Variants in GLUL observed in about 807,000 individuals in gnomAD.
GLUL encodes glutamine synthetase.
GLUL carries 8 observed loss-of-function variants against 36.9 expected under a neutral mutation model. The ratio of observed to expected loss-of-function variants is 0.22; its 90% confidence interval spans 0.13 to 0.39. GLUL has a LOEUF of 0.39. Ranked by LOEUF, GLUL falls within the 10% of genes least tolerant of loss-of-function variation. The probability of loss-of-function intolerance (pLI) is 1.00; values close to 1 mark genes in which losing one functional copy is unlikely to be tolerated. For missense variants in GLUL, 315 were observed against 501.8 expected, an observed-to-expected ratio of 0.63 and a Z score of 3.56; for synonymous variants, 182 against 172.8, an observed-to-expected ratio of 1.05 and a Z score of -0.42.
chr1:182,388,870 G>T, intron 1 of GLUL, 120 bp from the exon 2 acceptor site: 1 of 786,770 alleles, frequency 1.3e-6, no homozygotes. Context: ...TCCTTCCCTT[G>T]TGGAAGTCAA....
rs775831203 is a variant in GLUL, at chr1:182,386,396, T to C, written c.335A>G (p.Asn112Ser). ...TATCCGTTTACAGGTGTGCCTCAAATTGGTCTCTAGAAAAAAGAGTCAATA... is the reference window on the plus strand; with the variant it reads ...TATCCGTTTACAGGTGTGCCTCAAACTGGTCTCTAGAAAAAAGAGTCAATA... ...FKYNRRPAET[N>S]LRHTCKRIMD... is the part of the protein sequence containing the mutation. The change falls in exon 4 of 7, where the codon AAT (asparagine) becomes AGT (serine). Residue 112 changes from asparagine to serine, a missense_variant. This residue lies in a region of GLUL where 256 missense variants were observed against 396.1 expected (regional missense o/e 0.65). Coordinates refer to ENST00000331872, the MANE Select transcript of GLUL (RefSeq NM_001033044.4). 3.7e-6 allele frequency: 6 copies of C among 1,610,948 alleles called. No homozygotes were observed. The East Asian group carries it at 6.7e-5, about 18-fold the overall frequency.
chr1:182,378,398 CCAAG>C lies in GLUL; in HGVS notation c.*6003_*6006del, dbSNP rs1360869674. Reference sequence around the variant, plus strand: ...ATCACTCTCCTATATTAGAGGAGCTCCAAGCAGTGTATCATGCTCAAATATTTAT... The same window carrying C: ...ATCACTCTCCTATATTAGAGGAGCTCCAGTGTATCATGCTCAAATATTTAT... On this transcript the variant is annotated 3_prime_UTR_variant, in exon 7 of 7. Transcript: ENST00000331872. Among the ~76,000 whole-genome samples the C allele has an allele frequency of 6.6e-6, 1 of 152,182 alleles. No homozygotes were observed. Among genetic ancestry groups the C allele is most frequent in the Admixed American group, 6.5e-5 (1 of 15,274 alleles).
intron 4 of GLUL, 112 bp from the exon 5 acceptor site, chr1:182,385,999 A>T (rs1244974314): frequency 3.5e-6 from 4 of 1,155,756 alleles, no homozygotes; most frequent in Non-Finnish European, 5.2e-6. Flanking sequence ...CCTTGCCTTC[A>T]TCTGCAGGTG....
At chr1:182,391,334 A>C (rs1650408882) in intron 1 of GLUL, 2 of 397,972 alleles carry the variant, frequency 5.0e-6, no homozygotes, top group Non-Finnish European at 8.9e-6. Context: ...CAGCGCAAAC[A>C]AACCACTGCG....
Position 182,378,179 on chromosome 1 carries a change from A to C in GLUL, c.*6226T>G, listed in dbSNP as rs898348419. Among the ~76,000 whole-genome samples the C allele has an allele frequency of 3.3e-5, 5 of 152,224 alleles. No individual in the cohort carries two copies. The highest frequency in any genetic ancestry group is 1.5e-5 in the Non-Finnish European group (1 of 68,038). On this transcript the variant is annotated 3_prime_UTR_variant, in exon 7 of 7. Transcript: ENST00000331872. ...GATTTAGTGACTGAGGGCCCACTGG[A>C]GTTTAACTAATAGATCTGCTGACTA...
rs1650061676 is a variant in GLUL at position 182,384,180 on chromosome 1, G to C, written c.*225C>G. ...CTCCTCCCCACTAATGCACTAAAAA[G>C]CTTCAGTGATAGGGAAAAAAAGGAG... On this transcript the variant is annotated 3_prime_UTR_variant, in exon 7 of 7. Transcript: ENST00000331872. The C allele has an allele frequency of 1.9e-6, 1 of 538,114 alleles. No individual in the cohort carries two copies. Among genetic ancestry groups the C allele is most frequent in the East Asian group, 3.4e-5 (1 of 29,458 alleles). The allele number at this position is 538,114 out of a possible 1,614,324, so 33.3% of individuals were successfully genotyped here.
Position 182,380,631 on chromosome 1 carries a change from G to T in GLUL, c.*3774C>A, listed in dbSNP as rs1042117275. ...TTAAGCTCAATAAAAATGGAACTTT[G>T]TCTTGCTGTCATGGCCAGAGTTAAA... On this transcript the variant is annotated 3_prime_UTR_variant, in exon 7 of 7. Coordinates refer to ENST00000331872, the MANE Select transcript of GLUL (RefSeq NM_001033044.4). Among the ~76,000 whole-genome samples the T allele has an allele frequency of 3.3e-5, 5 of 152,178 alleles. No homozygotes were observed. The highest frequency in any genetic ancestry group is 1.2e-4 in the African/African-American group (5 of 41,450).
At chr1:182,385,646 C>A (rs1650143351) in intron 5 of GLUL, 90 bp from the exon 6 acceptor site, 1 of 1,557,112 alleles carries the variant, frequency 6.4e-7, no homozygotes, top group Non-Finnish European at 8.9e-7. Flanking sequence ...CACCTGTACT[C>A]CAACCCGTTC....
chr1:182,386,945 C>T, intron 3 of GLUL, 186 bp downstream of exon 3: 1 of 660,678 alleles, frequency 1.5e-6, no homozygotes, highest in Non-Finnish European at 2.8e-6. Context: ...ACAGAGAAGA[C>T]CATAGAAAGA....
Position 182,391,732 on chromosome 1 carries a change from AGAG to A in GLUL, c.-70_-68del, listed in dbSNP as rs1261066416. On this transcript the variant is annotated 5_prime_UTR_variant, in exon 1 of 7. Coordinates refer to ENST00000331872, the MANE Select transcript of GLUL (RefSeq NM_001033044.4). Reference sequence around the variant, plus strand: ...GCTAGGCCGCGAGAGCGAGGTTAGGAGAGGAGAGGAGGCCGCAGTACTGCTCAC... The same window carrying A: ...GCTAGGCCGCGAGAGCGAGGTTAGGAGAGAGGAGGCCGCAGTACTGCTCAC... 4 of 152,668 alleles carry A rather than the reference AGAG, an allele frequency of 2.6e-5. No individual in the cohort carries two copies. The highest frequency in any genetic ancestry group is 9.6e-5 in the African/African-American group (4 of 41,466). 9.5% of individuals were successfully genotyped at this position (152,668 alleles called of 1,614,324 possible).
At chr1:182,385,700 G>A in intron 5 of GLUL, 60 bp downstream of exon 5, 5 of 1,601,926 alleles carry the variant, frequency 3.1e-6, no homozygotes, top group Non-Finnish European at 4.3e-6. Flanking sequence ...GCCCTTACTA[G>A]CAAAAGTCCT....
intron 2 of GLUL, 88 bp downstream of exon 2, chr1:182,388,484 G>C: frequency 8.8e-7 from 1 of 1,134,114 alleles, no homozygotes; most frequent in Non-Finnish European, 1.3e-6. Context: ...GAAGAAAGAG[G>C]CCTAATCCAG....
chr1:182,390,664 G>T (rs1021027666), intron 1 of GLUL: 1 of 399,236 alleles, frequency 2.5e-6, no homozygotes, highest in African/African-American at 2.1e-5. Flanking sequence ...CGGCCCGGGG[G>T]GTGTCCGAAC....
At position 182,383,907 on chromosome 1, in the gene GLUL, TTC is replaced by T. The variant is rs774211990; in HGVS notation, c.*496_*497del. 3.9e-4 allele frequency: 71 copies of T among 183,138 alleles called. No homozygotes were observed. The highest frequency in any genetic ancestry group is 5.6e-4 in the Non-Finnish European group (48 of 85,188). 11.3% of individuals were successfully genotyped at this position (183,138 alleles called of 1,614,324 possible). On this transcript the variant is annotated 3_prime_UTR_variant, in exon 7 of 7. Transcript: ENST00000331872. Reference sequence around the variant, plus strand: ...TCCCACAAGCAAGAGACCAAAGCCATTCTCTCTGATTCCCAACCCCTACCTTC... The same window carrying T: ...TCCCACAAGCAAGAGACCAAAGCCATTCTCTGATTCCCAACCCCTACCTTC...
chr1:182,380,099 C>T lies in GLUL; in HGVS notation c.*4306G>A, dbSNP rs542503820. ...CCGATCTCAGGTGATCCACCTGCCT[C>T]GGCCTCTCAAGGTGCTGGGATTATA... On this transcript the variant is annotated 3_prime_UTR_variant, in exon 7 of 7. Transcript: ENST00000331872. Among the ~76,000 whole-genome samples the T allele has an allele frequency of 7.2e-5, 11 of 152,154 alleles. No individual in the cohort carries two copies. In the South Asian group the frequency reaches 1.2e-3, roughly 17 times the overall value.
chr1:182,381,136 G>A lies in GLUL; in HGVS notation c.*3269C>T, dbSNP rs959083763. ...ACAAAAATTAGCTGAGCATGGTGGT[G>A]CACACCTGTAGTCTCAGCTACTTGG... On this transcript the variant is annotated 3_prime_UTR_variant, in exon 7 of 7. Coordinates refer to ENST00000331872, the MANE Select transcript of GLUL (RefSeq NM_001033044.4). Among the ~76,000 whole-genome samples the A allele has an allele frequency of 2.6e-5, 4 of 152,194 alleles. No individual in the cohort carries two copies. Among genetic ancestry groups the A allele is most frequent in the South Asian group, 2.1e-4 (1 of 4,830 alleles).
chr1:182,390,640 G>A (rs1002183824), intron 1 of GLUL: 2 of 399,534 alleles, frequency 5.0e-6, no homozygotes, highest in South Asian at 1.3e-4. Flanking sequence ...ATGGAGAAGG[G>A]GACAGACAGC....
At position 182,385,916 on chromosome 1, in the gene GLUL, G is replaced by A; in HGVS notation, c.476-29C>T. 3 of 1,609,270 alleles carry A rather than the reference G, an allele frequency of 1.9e-6. 1 individual carries two copies. The South Asian group carries it at 3.3e-5, about 18-fold the overall frequency. On this transcript the variant is annotated intron_variant, in intron 4 of 6. Transcript: ENST00000331872. The stretch of plus-strand genomic sequence containing the variant: ...CAGAAGCATCAGGACAAAACACTAA[G>A]AGTCAAGAAATCCAGAGAATCCCAA...
At chr1:182,390,418 G>A (rs983407297) in intron 1 of GLUL, 3 of 398,130 alleles carry the variant, frequency 7.5e-6, no homozygotes, top group African/African-American at 4.1e-5. Flanking sequence ...TTTACGTGGG[G>A]GAAATGGATT....
Sources: allele counts gnomAD v4.1 joint callset (sites outside exome capture counted in the v4.1 genomes callset), GRCh38; gene constraint gnomAD v4.1.1; regional missense constraint gnomAD v4.1.1; transcripts MANE v1.5; gene names NCBI Gene and HGNC (gene_info 2026-07-23, HGNC 2026-07-21).